Variants in PARG observed in about 807,000 individuals in gnomAD.
The protein encoded by PARG is poly(ADP-ribose) glycohydrolase.
In PARG, 35 loss-of-function variants were observed where a neutral mutation model predicts 113.0. The ratio of observed to expected loss-of-function variants is 0.31; its 90% CI spans 0.24 to 0.41. The LOEUF (loss-of-function observed/expected upper bound fraction) is 0.41, where lower values mean the gene tolerates loss of function less well. Ranked by LOEUF, PARG falls within the 10% of genes least tolerant of loss-of-function variation. PARG has a pLI of 1.00. For synonymous variants in PARG, 330 were observed against 409.9 expected, an observed-to-expected ratio of 0.81 and a Z score of 2.36; for missense variants, 797 against 1,169.4, an observed-to-expected ratio of 0.68 and a Z score of 4.64.
intron 13 of PARG, among the ~76,000 whole-genome samples, chr10:49,849,603 A>AT (rs1845666475): frequency 6.6e-6 from 1 of 152,270 alleles, no homozygotes; most frequent in Non-Finnish European, 1.5e-5. Flanking sequence ...CCAAACTTAC[A>AT]TAATTGTATA....
In PARG at chr10:49,879,573, A is replaced by C; in HGVS notation, c.1988+100T>G. 2.0e-5 allele frequency: 14 copies of C among 696,246 alleles called. No homozygotes were observed. In the South Asian group the frequency reaches 2.7e-4, roughly 14 times the overall value. 43.1% of individuals were successfully genotyped at this position (696,246 alleles called of 1,614,324 possible). On this transcript the variant is annotated intron_variant, in intron 9 of 17. Coordinates refer to ENST00000616448, the MANE Select transcript of PARG (RefSeq NM_003631.5). ...TGTAAAAATTAAATAAGACAACTGCATATAAAATGCTTGGCCTATGGAATT... is the reference window on the plus strand; with the variant it reads ...TGTAAAAATTAAATAAGACAACTGCCTATAAAATGCTTGGCCTATGGAATT...
At chr10:49,837,530 GT>G (rs1845002617) in intron 15 of PARG, among the ~76,000 whole-genome samples, 1 of 152,050 alleles carries the variant, frequency 6.6e-6, no homozygotes, top group African/African-American at 2.4e-5. Flanking sequence ...TGTGCTGTCA[GT>G]TTATGTGAGA....
rs77705530 is a variant in PARG at position 49,825,167 on chromosome 10, G to A, written c.2648-4874C>T. ...TTGTTTCTACCACACAGCACTCTTC[G>A]AGGCCAACTCTTATTCTCCAATTGG... On this transcript the variant is annotated intron_variant, in intron 16 of 17. Transcript: ENST00000616448. Among the ~76,000 whole-genome samples the A allele has an allele frequency of 1.8e-4, 27 of 152,052 alleles. No individual in the cohort carries two copies. The East Asian group carries it at 5.0e-3, about 28-fold the overall frequency.
rs782184807 is a variant in PARG at position 49,920,290 on chromosome 10, TAAAC to T, written c.1662+2042_1662+2045del. Among the ~76,000 whole-genome samples, 22 of 149,700 alleles carry T rather than the reference TAAAC, an allele frequency of 1.5e-4. No individual in the cohort carries two copies. The East Asian group carries it at 1.8e-3, about 12-fold the overall frequency. On this transcript the variant is annotated intron_variant, in intron 6 of 17. Transcript: ENST00000616448. Reference sequence around the variant, plus strand: ...ACCCCGTCTCTACAAAAAACTAAAATAAACAAAATTAGTCTGGGCATGGTGGCAC... The same window carrying T: ...ACCCCGTCTCTACAAAAAACTAAAATAAAATTAGTCTGGGCATGGTGGCAC...
chr10:49,918,495 T>G lies in PARG; in HGVS notation c.1663-2504A>C, dbSNP rs187977254. ...TCTGTACTCTTGAGTTATCAACGAC[T>G]GAATAAGTTCTTTATGGTTCATAAT... On this transcript the variant is annotated intron_variant, in intron 6 of 17. Coordinates refer to ENST00000616448, the MANE Select transcript of PARG (RefSeq NM_003631.5). Among the ~76,000 whole-genome samples, 300 of 152,364 alleles carry G rather than the reference T, an allele frequency of 2.0e-3. 3 individuals are homozygous for G. The highest frequency in any genetic ancestry group is 7.0e-3 in the African/African-American group (290 of 41,588).
At chr10:49,821,703 T>C (rs78636938) in intron 16 of PARG, among the ~76,000 whole-genome samples, 2 of 152,182 alleles carry the variant, frequency 1.3e-5, no homozygotes, top group African/African-American at 4.8e-5. Flanking sequence ...TTTTACAGTT[T>C]TGATTTTTGA....
chr10:49,841,846 T>C (rs1845255894), intron 15 of PARG, 104 bp downstream of exon 15: 1 of 731,062 alleles, frequency 1.4e-6, no homozygotes, highest in Non-Finnish European at 2.4e-6. Flanking sequence ...TGGGCAGACA[T>C]ACTGACACTG....
At chr10:49,856,752 G>A (rs1455274554) in intron 13 of PARG, among the ~76,000 whole-genome samples, 4 of 152,130 alleles carry the variant, frequency 2.6e-5, no homozygotes, top group Non-Finnish European at 4.4e-5. Flanking sequence ...GCTCACGCCT[G>A]TAATCCCAGC....
intron 7 of PARG, 135 bp downstream of exon 7, chr10:49,915,782 A>G: frequency 1.7e-6 from 1 of 601,644 alleles, no homozygotes; most frequent in Non-Finnish European, 3.0e-6. Flanking sequence ...TACCTAAAAC[A>G]TACATATAAA....
chr10:49,927,321 A>AGAAG (rs1206453202), intron 4 of PARG, among the ~76,000 whole-genome samples: 4 of 142,604 alleles, frequency 2.8e-5, no homozygotes, highest in South Asian at 2.3e-4. Context: ...AAAGAAAGAA[A>AGAAG]GAAAGAAGGA....
intron 4 of PARG, among the ~76,000 whole-genome samples, chr10:49,929,501 G>A (rs1838381183): frequency 6.6e-6 from 1 of 152,206 alleles, no homozygotes; most frequent in Admixed American, 6.5e-5. Context: ...TTGACATAAA[G>A]TCATTTAAAG....
intron 7 of PARG, among the ~76,000 whole-genome samples, chr10:49,914,852 A>T (rs1246933055): frequency 6.6e-6 from 1 of 152,220 alleles, no homozygotes; most frequent in Admixed American, 6.5e-5. Flanking sequence ...AGTCTTTTCA[A>T]CAAATGGTGC....
intron 7 of PARG, among the ~76,000 whole-genome samples, chr10:49,897,914 C>T (rs2941190): frequency 2.0e-5 from 3 of 152,110 alleles, no homozygotes; most frequent in African/African-American, 4.8e-5. Context: ...ATCGCTTGAG[C>T]TCGGGAGGTG....
chr10:49,842,192 C>T (rs1845277017), intron 14 of PARG, 134 bp from the exon 15 acceptor site: 7 of 636,120 alleles, frequency 1.1e-5, no homozygotes, highest in Middle Eastern at 5.6e-4. Flanking sequence ...CAGGTCTGAG[C>T]AAAAGGAAAG....
chr10:49,864,472 T>C (rs1204813807), intron 11 of PARG, among the ~76,000 whole-genome samples: 3 of 150,816 alleles, frequency 2.0e-5, no homozygotes, highest in African/African-American at 4.9e-5. Context: ...TTTCCATTCA[T>C]CACTAATTCC....
chr10:49,825,745 A>G (rs1554829287), intron 16 of PARG, among the ~76,000 whole-genome samples: 1 of 152,202 alleles, frequency 6.6e-6, no homozygotes, highest in African/African-American at 2.4e-5. Flanking sequence ...TCATTCTTAA[A>G]AGAAGGGCAA....
intron 4 of PARG, among the ~76,000 whole-genome samples, chr10:49,924,873 C>T (rs1286633943): frequency 6.6e-6 from 1 of 152,192 alleles, no homozygotes; most frequent in Non-Finnish European, 1.5e-5. Flanking sequence ...TTGTGTAGAG[C>T]AAGGGTCCCC....
intron 15 of PARG, among the ~76,000 whole-genome samples, chr10:49,837,062 C>G (rs1399225185): frequency 6.6e-6 from 1 of 152,134 alleles, no homozygotes; most frequent in Non-Finnish European, 1.5e-5. Flanking sequence ...CAGCTGATCT[C>G]TCACAGGATT....
chr10:49,846,905 G>A (rs1356012782), intron 13 of PARG, among the ~76,000 whole-genome samples: 1 of 151,676 alleles, frequency 6.6e-6, no homozygotes, highest in East Asian at 1.9e-4. Flanking sequence ...ATCTTTTTGT[G>A]CTAAAAAGAT....
Sources: gnomAD v4.1 joint callset for allele counts (sites outside exome capture counted in the v4.1 genomes callset) on GRCh38, gnomAD v4.1.1 for gene constraint, MANE v1.5 for transcripts, NCBI Gene and HGNC (gene_info 2026-07-23, HGNC 2026-07-21) for gene names.